TRIO: variants seen among roughly 807,000 people sequenced by gnomAD.
The protein encoded by TRIO is trio Rho guanine nucleotide exchange factor, also known as triple functional domain protein.
In TRIO, 58 loss-of-function variants were observed where a neutral mutation model predicts 351.9. That is an observed-to-expected ratio of 0.16 (90% CI 0.13 to 0.21). TRIO has a LOEUF of 0.21. Among genes scored for constraint, TRIO ranks in the 10% least tolerant of loss-of-function variants. TRIO has a pLI of 1.00. For synonymous variants in TRIO, 1,758 were observed against 1,595.7 expected, an observed-to-expected ratio of 1.10 and a Z score of -2.42; for missense variants, 3,201 against 4,027.8, an observed-to-expected ratio of 0.79 and a Z score of 5.56.
At chr5:14,443,297 T>C (rs1158503623) in intron 34 of TRIO, among the ~76,000 whole-genome samples, 1 of 152,136 alleles carries the variant, frequency 6.6e-6, no homozygotes, top group East Asian at 1.9e-4. Flanking sequence ...CCATAAAGGA[T>C]AGATAAGAAA....
intron 2 of TRIO, among the ~76,000 whole-genome samples, chr5:14,278,426 ACAT>A (rs1397375686): frequency 5.9e-5 from 9 of 152,202 alleles, no homozygotes. Context: ...ATGGAATCAA[ACAT>A]CATGCTGCAT....
intron 1 of TRIO, among the ~76,000 whole-genome samples, chr5:14,147,238 C>T (rs1158384431): frequency 2.0e-5 from 3 of 152,172 alleles, no homozygotes; most frequent in Non-Finnish European, 4.4e-5. Context: ...AGGGAGGTTT[C>T]ATGACTTGCC....
rs144503605 is a variant in TRIO at position 14,454,975 on chromosome 5, C to T, written c.5204-6044C>T. On this transcript the variant is annotated intron_variant, in intron 34 of 56. Coordinates refer to ENST00000344204, the MANE Select transcript of TRIO (RefSeq NM_007118.4). ...GAGTGTTACAGCGCTTAAGGTGGCA[C>T]GTCTGGAGTTGTTTGTATCTCTTGT... Among the ~76,000 whole-genome samples the T allele has an allele frequency of 9.7e-3, 1,442 of 149,426 alleles. 22 individuals are homozygous for T. Among genetic ancestry groups the T allele is most frequent in the African/African-American group, 0.034 (1,377 of 40,552 alleles).
intron 21 of TRIO, among the ~76,000 whole-genome samples, chr5:14,383,999 C>T (rs190769628): frequency 1.8e-4 from 27 of 152,316 alleles, no homozygotes. Flanking sequence ...ATCCCCGGCT[C>T]GCTGAGACTC....
At chr5:14,150,510 A>G (rs1156842958) in intron 1 of TRIO, among the ~76,000 whole-genome samples, 2 of 152,212 alleles carry the variant, frequency 1.3e-5, no homozygotes, top group African/African-American at 2.4e-5. Flanking sequence ...GAGAAAAACT[A>G]TTACAAATCA....
chr5:14,358,774 A>G (rs542972505), intron 12 of TRIO, among the ~76,000 whole-genome samples: 4 of 152,274 alleles, frequency 2.6e-5, no homozygotes, highest in Admixed American at 1.3e-4. Context: ...CCCACCCCCA[A>G]GTGCTCTTCA....
Position 14,481,476 on chromosome 5 carries a change from G to A in TRIO, c.6388-65G>A, listed in dbSNP as rs955120738. On this transcript the variant is annotated intron_variant, in intron 44 of 56. Transcript: ENST00000344204. The stretch of plus-strand genomic sequence containing the variant: ...AGAACAGAACTTCATCAGGTCAGAG[G>A]GTGAGCACGTCAGATTTTCCCTAGA... 4 of 1,578,778 alleles carry A rather than the reference G, an allele frequency of 2.5e-6. No individual in the cohort carries two copies. The African/African-American group carries it at 4.0e-5, about 16-fold the overall frequency.
chr5:14,432,002 C>T (rs1751192649), intron 34 of TRIO, among the ~76,000 whole-genome samples: 1 of 152,206 alleles, frequency 6.6e-6, no homozygotes, highest in Non-Finnish European at 1.5e-5. Context: ...CAGTCACATT[C>T]TGAGATACTG....
chr5:14,432,833 C>T (rs572487957), intron 34 of TRIO, among the ~76,000 whole-genome samples: 3 of 152,202 alleles, frequency 2.0e-5, no homozygotes, highest in East Asian at 1.9e-4. Flanking sequence ...TGCTTGTTCT[C>T]CTTTGCTCTT....
At chr5:14,375,514 AT>A (rs1745476925) in intron 19 of TRIO, among the ~76,000 whole-genome samples, 1 of 152,202 alleles carries the variant, frequency 6.6e-6, no homozygotes, top group Non-Finnish European at 1.5e-5. Flanking sequence ...GCTGTGAAGA[AT>A]TAAAATAGAA....
chr5:14,351,344 T>C (rs1282691477), intron 11 of TRIO, among the ~76,000 whole-genome samples: 4 of 152,204 alleles, frequency 2.6e-5, no homozygotes, highest in Non-Finnish European at 5.9e-5. Flanking sequence ...GTGTCACATT[T>C]TATGTGCATA....
chr5:14,314,244 A>G (rs373069999), intron 8 of TRIO, among the ~76,000 whole-genome samples: 4 of 152,360 alleles, frequency 2.6e-5, no homozygotes, highest in East Asian at 1.9e-4. Flanking sequence ...ACCTTTGCAT[A>G]TAATTTATAT....
chr5:14,180,225 A>G (rs1789687046), intron 1 of TRIO, among the ~76,000 whole-genome samples: 2 of 151,828 alleles, frequency 1.3e-5, no homozygotes. Flanking sequence ...AGCTGGTTAC[A>G]TGCTGATATT....
rs749035614 is a variant in TRIO, at chr5:14,359,364, G to T, written c.2224G>T (p.Ala742Ser). 2 of 1,612,594 alleles carry T rather than the reference G, an allele frequency of 1.2e-6. No individual in the cohort carries two copies. The highest frequency in any genetic ancestry group is 1.7e-5 in the Admixed American group (1 of 59,978). ...CTCTGTGTGCTCTCGCAGGGACTCT[G>T]CCATCTCCAGTAACAAGACCCCCCA... ...EDLIQQLRDS[A>S]ISSNKTPHNS... Residue 742 changes from alanine (A) to serine (S), a missense_variant, in exon 13 of 57, where the codon GCC becomes TCC. Physicochemically the swap from Ala to Ser is moderately conservative, Grantham distance 99 (BLOSUM62 1). Coordinates refer to ENST00000344204, the MANE Select transcript of TRIO (RefSeq NM_007118.4).
intron 3 of TRIO, among the ~76,000 whole-genome samples, chr5:14,281,685 C>T (rs1285730616): frequency 2.0e-5 from 3 of 152,032 alleles, no homozygotes; most frequent in Admixed American, 6.6e-5. Context: ...AGGGTGAGTC[C>T]TCAGGTGTCT....
At position 14,143,645 on chromosome 5, in the gene TRIO, A is replaced by C. The variant is rs1190991835; in HGVS notation, c.-81A>C. 4.7e-6 allele frequency: 3 copies of C among 642,260 alleles called. No individual in the cohort carries two copies. Among genetic ancestry groups the C allele is most frequent in the Non-Finnish European group, 5.8e-6 (3 of 520,522 alleles). The allele number at this position is 642,260 out of a possible 1,614,324, so 39.8% of individuals were successfully genotyped here. On this transcript the variant is annotated 5_prime_UTR_variant, in exon 1 of 57. Transcript: ENST00000344204. ...GGGCAGCTGGGTGCTCGGCGCCGCC[A>C]GGCCCGGCGCGGAGCGGGCGGCACG...
intron 37 of TRIO, among the ~76,000 whole-genome samples, chr5:14,469,900 T>C (rs553641418): frequency 6.6e-6 from 1 of 152,318 alleles, no homozygotes; most frequent in Admixed American, 6.5e-5. Context: ...CTTTTCTTTG[T>C]TTTTTCTCAC....
At chr5:14,429,020 A>G (rs1750878411) in intron 34 of TRIO, among the ~76,000 whole-genome samples, 1 of 152,202 alleles carries the variant, frequency 6.6e-6, no homozygotes, top group African/African-American at 2.4e-5. Context: ...TTAGTACACA[A>G]ACGGGGTTCC....
intron 1 of TRIO, among the ~76,000 whole-genome samples, chr5:14,236,848 C>T (rs1254603876): frequency 6.6e-6 from 1 of 152,184 alleles, no homozygotes; most frequent in African/African-American, 2.4e-5. Flanking sequence ...CCTCCAGCCT[C>T]CCCATTCCTT....
Sources: allele counts gnomAD v4.1 joint callset (sites outside exome capture counted in the v4.1 genomes callset), GRCh38; gene constraint gnomAD v4.1.1; transcripts MANE v1.5; gene names NCBI Gene and HGNC (gene_info 2026-07-23, HGNC 2026-07-21).